NRG3: variants seen among roughly 807,000 people sequenced by gnomAD.
NRG3 encodes the protein pro-neuregulin-3, membrane-bound isoform.
Under a neutral mutation model 66.9 loss-of-function variants are expected in NRG3, and 31 were observed. That is an observed-to-expected ratio of 0.46 (90% confidence interval 0.35 to 0.63). NRG3 has a LOEUF of 0.63. NRG3 is among the 20% of genes least tolerant of loss of function. The pLI is 0.00. For missense variants in NRG3, 910 were observed against 878.9 expected (o/e 1.04, Z -0.45); for synonymous variants, 393 against 359.4 (o/e 1.09, Z -1.06).
chr10:82,583,975 A>G (rs2046517939), intron 2 of NRG3, among the ~76,000 whole-genome samples: 1 of 152,214 alleles, frequency 6.6e-6, no homozygotes, highest in Non-Finnish European at 1.5e-5. Flanking sequence ...TTTATAAAAT[A>G]AGGATTAAAA....
chr10:82,271,855 CTGA>C (rs1212714796), intron 1 of NRG3, among the ~76,000 whole-genome samples: 1 of 151,934 alleles, frequency 6.6e-6, no homozygotes, highest in East Asian at 1.9e-4. Context: ...TGTTCTTTTC[CTGA>C]TGATGTTATT....
intron 2 of NRG3, among the ~76,000 whole-genome samples, chr10:82,583,452 T>C (rs1393560449): frequency 6.6e-6 from 1 of 152,214 alleles, no homozygotes; most frequent in Non-Finnish European, 1.5e-5. Flanking sequence ...CAAGCTTTCA[T>C]ACCTTGTTCT....
chr10:81,960,809 G>A (rs1211907304), intron 1 of NRG3, among the ~76,000 whole-genome samples: 1 of 151,954 alleles, frequency 6.6e-6, no homozygotes, highest in Non-Finnish European at 1.5e-5. Context: ...TTTCAGGCTC[G>A]ATGAAGTTCA....
intron 2 of NRG3, among the ~76,000 whole-genome samples, chr10:82,613,857 T>G (rs1590877480): frequency 9.5e-6 from 1 of 105,538 alleles, no homozygotes; most frequent in Non-Finnish European, 1.8e-5. Context: ...CCCACAACAG[T>G]CCCCAGAGTG....
chr10:82,132,515 T>TCATA (rs2068972339), intron 1 of NRG3, among the ~76,000 whole-genome samples: 2 of 10,762 alleles, frequency 1.9e-4, no homozygotes, highest in African/African-American at 8.6e-4. Flanking sequence ...CATATATATA[T>TCATA]GATATATATG....
intron 1 of NRG3, among the ~76,000 whole-genome samples, chr10:82,348,535 A>G (rs2083190505): frequency 6.9e-5 from 10 of 145,364 alleles, no homozygotes; most frequent in South Asian, 4.4e-4. Context: ...TGAATCTGAC[A>G]ATTATGTGTC....
At chr10:82,175,957 T>C (rs970313293) in intron 1 of NRG3, among the ~76,000 whole-genome samples, 7 of 152,174 alleles carry the variant, frequency 4.6e-5, no homozygotes, top group African/African-American at 1.7e-4. Context: ...CTAGAGAAAA[T>C]AAGAATTTGA....
chr10:82,541,696 C>A (rs1241125404), intron 2 of NRG3, among the ~76,000 whole-genome samples: 1 of 152,056 alleles, frequency 6.6e-6, no homozygotes, highest in African/African-American at 2.4e-5. Flanking sequence ...TTCATTTATG[C>A]CTTTTAGTTT....
chr10:81,980,233 G>A (rs2133454367), intron 1 of NRG3, among the ~76,000 whole-genome samples: 1 of 149,868 alleles, frequency 6.7e-6, no homozygotes, highest in East Asian at 2.0e-4. Context: ...ATGAATTATT[G>A]AAGTTCAGTG....
intron 2 of NRG3, among the ~76,000 whole-genome samples, chr10:82,547,241 T>A (rs1306855621): frequency 1.3e-5 from 2 of 152,014 alleles, no homozygotes; most frequent in Non-Finnish European, 2.9e-5. Context: ...TAATGCTACA[T>A]AATTTAATTT....
At chr10:82,949,583 G>T (rs1431892567) in intron 4 of NRG3, among the ~76,000 whole-genome samples, 8 of 152,054 alleles carry the variant, frequency 5.3e-5, no homozygotes, top group Non-Finnish European at 1.0e-4. Context: ...GGCTGGGTGT[G>T]GTGGCTCACA....
At chr10:82,601,430 C>T (rs942716437) in intron 2 of NRG3, among the ~76,000 whole-genome samples, 1 of 152,148 alleles carries the variant, frequency 6.6e-6, no homozygotes, top group Non-Finnish European at 1.5e-5. Flanking sequence ...ATAACTTTTT[C>T]ATGTTGGCAT....
intron 4 of NRG3, among the ~76,000 whole-genome samples, chr10:82,922,761 T>C (rs1247281857): frequency 6.6e-6 from 1 of 152,194 alleles, no homozygotes; most frequent in Non-Finnish European, 1.5e-5. Flanking sequence ...ACTTCTTTTT[T>C]ACATTCAGTT....
At chr10:82,301,664 GT>G (rs1353438419) in intron 1 of NRG3, among the ~76,000 whole-genome samples, 1 of 130,444 alleles carries the variant, frequency 7.7e-6, no homozygotes, top group East Asian at 2.1e-4. Flanking sequence ...TTATTTATAT[GT>G]ATATGTATAC....
chr10:82,425,914 C>T (rs560970890), intron 2 of NRG3, among the ~76,000 whole-genome samples: 72 of 152,160 alleles, frequency 4.7e-4, no homozygotes, highest in Non-Finnish European at 7.2e-4. Context: ...GATAAGCTGC[C>T]GTGAGAGGGG....
rs142501902 is a variant in NRG3 at position 82,966,403 on chromosome 10, T to G, written c.1284+7328T>G. Among the ~76,000 whole-genome samples, 736 of 152,320 alleles carry G rather than the reference T, an allele frequency of 4.8e-3. 6 individuals carry two copies. The highest frequency in any genetic ancestry group is 0.017 in the African/African-American group (697 of 41,566). ...TTATTGGAATTTGATTCTTTTCTTA[T>G]GATTACATGGGGTTTACTGGTTTTC... On this transcript the variant is annotated intron_variant, in intron 6 of 8. Coordinates refer to ENST00000372141, the MANE Select transcript of NRG3 (RefSeq NM_001010848.4).
intron 2 of NRG3, among the ~76,000 whole-genome samples, chr10:82,516,999 C>T (rs1845721540): frequency 6.6e-6 from 1 of 152,104 alleles, no homozygotes; most frequent in Admixed American, 6.6e-5. Context: ...AGTCATTTTG[C>T]ATTTAACAAG....
chr10:82,342,190 A>C (rs1306466003), intron 1 of NRG3, among the ~76,000 whole-genome samples: 1 of 151,954 alleles, frequency 6.6e-6, no homozygotes, highest in Non-Finnish European at 1.5e-5. Context: ...AGGTGATTCT[A>C]TATCTTTGCT....
chr10:82,064,781 A>G (rs976539972), intron 1 of NRG3, among the ~76,000 whole-genome samples: 2 of 152,188 alleles, frequency 1.3e-5, no homozygotes, highest in African/African-American at 4.8e-5. Flanking sequence ...TTAGCTGAAC[A>G]TTGTCCTCTC....
Sources: allele counts gnomAD v4.1 joint callset (sites outside exome capture counted in the v4.1 genomes callset), GRCh38; gene constraint gnomAD v4.1.1; transcripts MANE v1.5; gene names NCBI Gene and HGNC (gene_info 2026-07-23, HGNC 2026-07-21).